The following CCDC51 variants were observed in gnomAD, a reference collection of about 807,000 sequenced individuals.
CCDC51 encodes mitochondrial potassium channel.
A neutral mutation model predicts 24.8 loss-of-function variants in CCDC51; 25 were observed. The ratio of observed to expected loss-of-function variants is 1.01; its 90% CI spans 0.73 to 1.41. The LOEUF is 1.41. Ranked by LOEUF, CCDC51 falls within the 40% of genes most tolerant of loss-of-function variation. The pLI, the probability that CCDC51 is intolerant of heterozygous loss-of-function variation, is 0.00. For synonymous variants in CCDC51, 190 were observed against 204.3 expected (o/e 0.93, Z 0.60); for missense variants, 466 against 519.1 (o/e 0.90, Z 0.99).
intron 1 of CCDC51, 63 bp downstream of exon 1, chr3:48,439,925 C>T (rs550633203): frequency 2.6e-5 from 9 of 349,070 alleles, no homozygotes; most frequent in Non-Finnish European, 4.7e-5. Context: ...GCTGTGCTTT[C>T]CTTGGTTCCA....
At chr3:48,438,939 C>T (rs2039457915) in intron 1 of CCDC51, among the ~76,000 whole-genome samples, 1 of 152,210 alleles carries the variant, frequency 6.6e-6, no homozygotes, top group African/African-American at 2.4e-5. Context: ...TCACTCCACT[C>T]CAAGCACATG....
upstream of CCDC51, chr3:48,440,942 G>T (rs570539436): frequency 1.1e-5 from 5 of 450,448 alleles, no homozygotes; most frequent in Non-Finnish European, 2.0e-5. Context: ...GACGTCGTCC[G>T]CAATCTTTTG....
chr3:48,441,347 T>C (rs2039559844), upstream of CCDC51, among the ~76,000 whole-genome samples: 1 of 151,880 alleles, frequency 6.6e-6, no homozygotes, highest in South Asian at 2.1e-4. Context: ...CCTGGCCAGT[T>C]TTTTTTTGTA....
chr3:48,443,612 A>G (rs2039616521), upstream of CCDC51, among the ~76,000 whole-genome samples: 1 of 152,090 alleles, frequency 6.6e-6, no homozygotes, highest in Non-Finnish European at 1.5e-5. Flanking sequence ...CAATCTGTGA[A>G]GTATACAGAA....
chr3:48,432,675 C>G lies in CCDC51; in HGVS notation c.969G>C (p.Gln323His), dbSNP rs757618154. 1.6e-5 allele frequency: 26 copies of G among 1,614,262 alleles called. No individual in the cohort carries two copies. The highest frequency in any genetic ancestry group is 2.2e-5 in the Non-Finnish European group (26 of 1,180,052). ...VHSCLEGLREQLDGLEKTCSQ... is the reference protein window; with the variant it reads ...VHSCLEGLREHLDGLEKTCSQ... ...TACAAGTCTTTTCTAGGCCATCAAGCTGCTCTCGTAAGCCTTCTAGACATG... is the reference window on the plus strand; with the variant it reads ...TACAAGTCTTTTCTAGGCCATCAAGGTGCTCTCGTAAGCCTTCTAGACATG... Residue 323 changes from glutamine (Q) to histidine (H), a missense_variant, in exon 4 of 4, where the codon CAG becomes CAC. Physicochemically the swap from Gln to His is conservative, Grantham distance 24 (BLOSUM62 0). Coordinates refer to ENST00000395694, the MANE Select transcript of CCDC51 (RefSeq NM_001256964.2).
upstream of CCDC51, among the ~76,000 whole-genome samples, chr3:48,442,320 G>A (rs2039590198): frequency 6.6e-6 from 1 of 151,826 alleles, no homozygotes; most frequent in South Asian, 2.1e-4. Flanking sequence ...TGTGTATAGG[G>A]GAAAGAACAG....
chr3:48,440,908 TCA>T (rs2039545733), upstream of CCDC51: 2 of 520,228 alleles, frequency 3.8e-6, no homozygotes, highest in African/African-American at 3.8e-5. Flanking sequence ...AGACGCAGAT[TCA>T]CAGTTAAGTT....
Position 48,437,514 on chromosome 3 carries a change from G to A in CCDC51, c.-8-2378C>T, listed in dbSNP as rs1053685482. On this transcript the variant is annotated intron_variant, in intron 1 of 3. Coordinates refer to ENST00000395694, the MANE Select transcript of CCDC51 (RefSeq NM_001256964.2). This position sits in a 1 kb window ranked among gnomAD's most constrained non-coding sequence, Gnocchi z 4.2. ...CTTGAGGTCGCCCAAAACCTGAAAG[G>A]CAGTCAGTGCAACTGGAAAGCAAAA... Among the ~76,000 whole-genome samples, 4 of 152,136 alleles carry A rather than the reference G, an allele frequency of 2.6e-5. No individual in the cohort carries two copies. The highest frequency in any genetic ancestry group is 5.9e-5 in the Non-Finnish European group (4 of 68,026).
upstream of CCDC51, chr3:48,440,937 C>T (rs978725907): frequency 1.5e-5 from 7 of 462,310 alleles, no homozygotes; most frequent in African/African-American, 1.2e-4. Flanking sequence ...AGTCTGACGT[C>T]GTCCGCAATC....
chr3:48,438,949 G>A (rs1412966794), intron 1 of CCDC51, among the ~76,000 whole-genome samples: 1 of 152,096 alleles, frequency 6.6e-6, no homozygotes, highest in African/African-American at 2.4e-5. Context: ...CCAAGCACAT[G>A]GACCTTCTTG....
At chr3:48,440,455 C>G, upstream of CCDC51, 2 of 1,612,130 alleles carry the variant, frequency 1.2e-6, no homozygotes, top group Non-Finnish European at 1.7e-6. Flanking sequence ...AGGAGATGGA[C>G]GAGGTGAGGG....
At position 48,434,804 on chromosome 3, in the gene CCDC51, C is replaced by A. The variant is rs759904380; in HGVS notation, c.312+13G>T. On this transcript the variant is annotated intron_variant, in intron 2 of 3. Coordinates refer to ENST00000395694, the MANE Select transcript of CCDC51 (RefSeq NM_001256964.2). ...CAGAGGGCGGGGCCAGCCACCCCAG[C>A]TCCCCTCCTCACCTCTGTCACCTTT... 1.9e-6 allele frequency: 3 copies of A among 1,575,042 alleles called. No individual in the cohort carries two copies. Among genetic ancestry groups the A allele is most frequent in the South Asian group, 1.2e-5 (1 of 84,526 alleles).
chr3:48,440,261 C>T (rs2039521091), upstream of CCDC51: 2 of 1,580,910 alleles, frequency 1.3e-6, no homozygotes, highest in South Asian at 2.3e-5. Context: ...CGCTCCGTTT[C>T]CGGTGGCAGG....
At chr3:48,440,330 G>T (rs938660578), upstream of CCDC51, 7 of 1,611,802 alleles carry the variant, frequency 4.3e-6, no homozygotes, top group Middle Eastern at 1.7e-4. Flanking sequence ...TTCCGGAACC[G>T]TGAGGACTGC....
chr3:48,440,344 G>C, upstream of CCDC51: 1 of 1,611,926 alleles, frequency 6.2e-7, no homozygotes, highest in Non-Finnish European at 8.5e-7. Flanking sequence ...GGACTGCGGG[G>C]ACGGCGGGGT....
In CCDC51 at chr3:48,435,767, C is replaced by G. The variant is rs1337567476; in HGVS notation, c.-8-631G>C. Reference sequence around the variant, plus strand: ...CTCTCAGCTCTCCTCTAAGATAATTCCAGGGGCAAAAAAAAACAAAACAAA... The same window carrying G: ...CTCTCAGCTCTCCTCTAAGATAATTGCAGGGGCAAAAAAAAACAAAACAAA... On this transcript the variant is annotated intron_variant, in intron 1 of 3. Transcript: ENST00000395694. This position sits in a 1 kb window ranked among gnomAD's most constrained non-coding sequence, Gnocchi z 4.2. 2.0e-5 allele frequency among the ~76,000 whole-genome samples: 3 copies of G among 151,858 alleles called. No individual in the cohort carries two copies. Among genetic ancestry groups the G allele is most frequent in the East Asian group, 1.9e-4 (1 of 5,184 alleles).
chr3:48,442,554 T>C (rs192094739), upstream of CCDC51, among the ~76,000 whole-genome samples: 807 of 150,904 alleles, frequency 5.3e-3, 5 homozygotes, highest in African/African-American at 0.019. Flanking sequence ...CAGGTTCAAG[T>C]GATTCTCCTG....
In CCDC51 at chr3:48,436,453, G is replaced by A. The variant is rs374685536; in HGVS notation, c.-8-1317C>T. Among the ~76,000 whole-genome samples, 10 of 152,310 alleles carry A rather than the reference G, an allele frequency of 6.6e-5. No homozygotes were observed. In the East Asian group the frequency reaches 1.4e-3, roughly 21 times the overall value. ...GCAAAGTGGGCCTGAGCTGAGAGCC[G>A]CAGAAGGGAACTTCACTGTGACAGT... On this transcript the variant is annotated intron_variant, in intron 1 of 3. Coordinates refer to ENST00000395694, the MANE Select transcript of CCDC51 (RefSeq NM_001256964.2).
Position 48,433,845 on chromosome 3 carries a change from T to TCG in CCDC51, c.337_338dup (p.Gly114GlufsTer18). ...CCTCCCGAGCCTCTCGGACAAGCCC[T>TCG]CGAGCCACCATGAACACTTTCTCAG... is the stretch of plus-strand genomic sequence containing the variant. On this transcript the variant is annotated frameshift_variant, in exon 3 of 4. Coordinates refer to ENST00000395694, the MANE Select transcript of CCDC51 (RefSeq NM_001256964.2). LOFTEE classifies it high-confidence loss of function. This position sits in a 1 kb window ranked among gnomAD's most constrained non-coding sequence, Gnocchi z 4.4. 6.2e-7 allele frequency: 1 copy of TCG among 1,613,858 alleles called. No homozygotes were observed.
Sources: gnomAD v4.1 joint callset for allele counts (sites outside exome capture counted in the v4.1 genomes callset) on GRCh38, gnomAD v4.1.1 for gene constraint, Gnocchi (gnomAD v3.1) non-coding constraint, MANE v1.5 for transcripts, NCBI Gene and HGNC (gene_info 2026-07-23, HGNC 2026-07-21) for gene names.